The following TRAPPC9 variants were observed in gnomAD, a reference collection of about 807,000 sequenced individuals.
TRAPPC9 encodes trafficking protein particle complex subunit 9.
In TRAPPC9, 83 loss-of-function variants were observed where a neutral mutation model predicts 124.0. That is an observed-to-expected ratio of 0.67 (90% CI 0.56 to 0.80). TRAPPC9 has a LOEUF of 0.80. Ranked by LOEUF, TRAPPC9 falls within the 30% of genes least tolerant of loss-of-function variation. The pLI is 0.00. For synonymous variants in TRAPPC9, 638 were observed against 617.5 expected, an observed-to-expected ratio of 1.03 and a Z score of -0.49; for missense variants, 1,302 against 1,508.3, an observed-to-expected ratio of 0.86 and a Z score of 2.27.
chr8:139,775,708 A>G (rs1317748695), intron 21 of TRAPPC9, among the ~76,000 whole-genome samples: 1 of 152,192 alleles, frequency 6.6e-6, no homozygotes, highest in African/African-American at 2.4e-5. Flanking sequence ...CCACCCCGAC[A>G]TCCCCCTAGC....
At chr8:140,099,349 G>A (rs2060526789) in intron 17 of TRAPPC9, 1 of 151,444 alleles carries the variant, frequency 6.6e-6, no homozygotes, top group African/African-American at 2.4e-5. Context: ...GCAGGCTACT[G>A]ACGCCCTCCA....
intron 2 of TRAPPC9, among the ~76,000 whole-genome samples, chr8:140,445,373 G>A (rs2071206857): frequency 6.6e-6 from 1 of 152,228 alleles, no homozygotes; most frequent in Non-Finnish European, 1.5e-5. Context: ...TCCTGGCACA[G>A]GTCACTTAGG....
intron 17 of TRAPPC9, among the ~76,000 whole-genome samples, chr8:140,051,638 C>T (rs1328981680): frequency 7.3e-6 from 1 of 137,066 alleles, no homozygotes; most frequent in Admixed American, 7.9e-5. Flanking sequence ...ATACAAAGCA[C>T]ATTCTTAGGA....
At chr8:140,389,275 G>C (rs1396896389) in intron 7 of TRAPPC9, among the ~76,000 whole-genome samples, 1 of 151,976 alleles carries the variant, frequency 6.6e-6, no homozygotes, top group Non-Finnish European at 1.5e-5. Context: ...TTAGGTAAAG[G>C]GCATATAAGT....
intron 17 of TRAPPC9, among the ~76,000 whole-genome samples, chr8:140,131,894 G>A (rs982251634): frequency 1.3e-5 from 2 of 152,206 alleles, no homozygotes; most frequent in Admixed American, 1.3e-4. Flanking sequence ...TCCTAGAAGG[G>A]TTTGGAGTCA....
chr8:140,251,128 C>T (rs1307331396), intron 16 of TRAPPC9, among the ~76,000 whole-genome samples: 1 of 152,218 alleles, frequency 6.6e-6, no homozygotes, highest in African/African-American at 2.4e-5. Flanking sequence ...AGGAATAAGA[C>T]GACCCTGGCA....
chr8:140,194,039 T>G (rs1013530772), intron 17 of TRAPPC9, among the ~76,000 whole-genome samples: 1 of 152,192 alleles, frequency 6.6e-6, no homozygotes, highest in African/African-American at 2.4e-5. Flanking sequence ...TAATCCCGGT[T>G]TTAATCCATC....
At chr8:140,378,047 C>T (rs2068496137) in intron 7 of TRAPPC9, among the ~76,000 whole-genome samples, 1 of 152,180 alleles carries the variant, frequency 6.6e-6, no homozygotes, top group Non-Finnish European at 1.5e-5. Context: ...CAATCCAGAG[C>T]TTCCGTGAAC....
chr8:140,217,096 A>T (rs1322481171), intron 17 of TRAPPC9, among the ~76,000 whole-genome samples: 1 of 152,144 alleles, frequency 6.6e-6, no homozygotes, highest in Non-Finnish European at 1.5e-5. Context: ...ACCGTAACTG[A>T]CTCACAACTG....
At chr8:140,320,721 A>G (rs2066569909) in intron 9 of TRAPPC9, among the ~76,000 whole-genome samples, 1 of 152,218 alleles carries the variant, frequency 6.6e-6, no homozygotes, top group South Asian at 2.1e-4. Flanking sequence ...ATACGGTGTC[A>G]TTGTTATCCC....
At chr8:139,814,452 C>A (rs541495653) in intron 21 of TRAPPC9, among the ~76,000 whole-genome samples, 34 of 152,272 alleles carry the variant, frequency 2.2e-4, no homozygotes, top group African/African-American at 8.2e-4. Context: ...CAAGAGCAGG[C>A]CCAGGAAAAG....
At chr8:140,262,317 C>T (rs2064445676) in intron 15 of TRAPPC9, among the ~76,000 whole-genome samples, 1 of 151,814 alleles carries the variant, frequency 6.6e-6, no homozygotes. Flanking sequence ...GCAGGCCAGA[C>T]ACCTTCATCC....
intron 17 of TRAPPC9, among the ~76,000 whole-genome samples, chr8:140,036,925 C>T (rs137874539): frequency 0.011 from 1,737 of 152,106 alleles, 20 homozygotes; most frequent in Middle Eastern, 0.027. Context: ...TATACACATG[C>T]CATGGTAGTT....
chr8:139,838,588 C>T (rs1342208282), intron 21 of TRAPPC9, among the ~76,000 whole-genome samples: 2 of 152,182 alleles, frequency 1.3e-5, no homozygotes. Context: ...CCTGGCGGGT[C>T]TCCTTGGCCG....
intron 4 of TRAPPC9, 110 bp from the exon 5 acceptor site, chr8:140,426,751 T>A (rs2070436805): frequency 2.7e-6 from 3 of 1,103,888 alleles, no homozygotes; most frequent in Non-Finnish European, 4.1e-6. Flanking sequence ...AAATCTGACT[T>A]GTATCTGATC....
At chr8:140,400,491 C>T (rs2132401077) in intron 6 of TRAPPC9, among the ~76,000 whole-genome samples, 1 of 152,314 alleles carries the variant, frequency 6.6e-6, no homozygotes, top group African/African-American at 2.4e-5. Context: ...ATTCATTTTA[C>T]TTGGTTGCAA....
chr8:139,966,914 A>C (rs540098335), intron 19 of TRAPPC9, among the ~76,000 whole-genome samples: 1 of 152,362 alleles, frequency 6.6e-6, no homozygotes, highest in African/African-American at 2.4e-5. Flanking sequence ...GAAAAGAATA[A>C]GAGAATACAG....
intron 17 of TRAPPC9, among the ~76,000 whole-genome samples, chr8:140,081,230 C>A (rs895811467): frequency 2.0e-5 from 3 of 152,188 alleles, no homozygotes; most frequent in Admixed American, 1.3e-4. Flanking sequence ...GGCTGTTCAG[C>A]ACCCATCAGC....
intron 17 of TRAPPC9, among the ~76,000 whole-genome samples, chr8:140,069,275 T>G (rs1053523145): frequency 6.6e-6 from 1 of 152,174 alleles, no homozygotes; most frequent in Admixed American, 6.5e-5. Context: ...GATCTGAAGG[T>G]TGGCTCAAAG....
Sources: allele counts gnomAD v4.1 joint callset (sites outside exome capture counted in the v4.1 genomes callset), GRCh38; gene constraint gnomAD v4.1.1; transcripts MANE v1.5; gene names NCBI Gene and HGNC (gene_info 2026-07-23, HGNC 2026-07-21).